Variants in SF3A1 observed in about 807,000 individuals in gnomAD.
The protein encoded by SF3A1 is SAP 114.
Under a neutral mutation model 89.9 loss-of-function variants are expected in SF3A1, and 13 were observed. The ratio of observed to expected loss-of-function variants is 0.14; its 90% CI spans 0.09 to 0.23. The LOEUF (loss-of-function observed/expected upper bound fraction) is 0.23, where lower values mean the gene tolerates loss of function less well. Ranked by LOEUF, SF3A1 falls within the 10% of genes least tolerant of loss-of-function variation. The pLI is 1.00. For missense variants in SF3A1, 604 were observed against 1,022.1 expected (o/e 0.59, Z 5.58); for synonymous variants, 405 against 374.4 (o/e 1.08, Z -0.94).
chr22:30,355,211 A>G (rs1016912587), intron 1 of SF3A1, among the ~76,000 whole-genome samples: 2 of 152,110 alleles, frequency 1.3e-5, no homozygotes, highest in Admixed American at 6.5e-5. Context: ...CAGTTTTGCT[A>G]TGTTGGCCAG....
rs752657820 is a variant in SF3A1, at chr22:30,338,795, T to G, written c.1737A>C (p.Pro579=). Residue 579 remains proline, a synonymous_variant, in exon 11 of 16, where the codon CCA becomes CCC. Coordinates refer to ENST00000215793, the MANE Select transcript of SF3A1 (RefSeq NM_005877.6). ...AGGGTAGATGCTGGCTTACTGTGGG[T>G]GGTCGGGGCACTGAAGTGATGGGTG... ...SAPPITSVPR[P]PTMPPPVRTT... is the part of the protein sequence containing the mutation. 1.2e-6 allele frequency: 2 copies of G among 1,613,970 alleles called. No individual in the cohort carries two copies. Among genetic ancestry groups the G allele is most frequent in the Admixed American group, 1.7e-5 (1 of 60,014 alleles).
At chr22:30,341,965 G>A (rs1443954993) in intron 6 of SF3A1, 80 bp from the exon 7 acceptor site, 1 of 1,398,350 alleles carries the variant, frequency 7.2e-7, no homozygotes, top group African/African-American at 1.4e-5. Context: ...CAAGGGCTGG[G>A]GCCATGTCTG....
In SF3A1 at chr22:30,348,699, G is replaced by A. The variant is rs187970708; in HGVS notation, c.186-2180C>T. On this transcript the variant is annotated intron_variant, in intron 2 of 15. Coordinates refer to ENST00000215793, the MANE Select transcript of SF3A1 (RefSeq NM_005877.6). ...AGTCTAACTGGAACCTCATGCTTTGGAAAAAAAATTCTCCCTACTCCTTAA... is the reference window on the plus strand; with the variant it reads ...AGTCTAACTGGAACCTCATGCTTTGAAAAAAAAATTCTCCCTACTCCTTAA... Among the ~76,000 whole-genome samples the A allele has an allele frequency of 5.6e-3, 853 of 151,852 alleles. 9 individuals carry two copies. Among genetic ancestry groups the A allele is most frequent in the Non-Finnish European group, 7.1e-3 (485 of 67,924 alleles).
At position 30,337,700 on chromosome 22, in the gene SF3A1, A is replaced by G. The variant is rs377269405; in HGVS notation, c.1941T>C (p.Ile647=). ...PIMAPRPPPM[I]VPTAFVPAPP... ...GCAAGAGATACTGACCTGTTGGCAC[A>G]ATCATGGGGGGTGGGCGGGGGGCCA... Residue 647 remains isoleucine (I), a synonymous_variant, in exon 12 of 16, where the codon ATT becomes ATC. Coordinates refer to ENST00000215793, the MANE Select transcript of SF3A1 (RefSeq NM_005877.6). 7.5e-5 allele frequency: 41 copies of G among 543,652 alleles called. No individual in the cohort carries two copies. In the East Asian group the frequency reaches 7.8e-4, roughly 10 times the overall value. The allele number at this position is 543,652 out of a possible 1,614,324, so 33.7% of individuals were successfully genotyped here.
chr22:30,340,545 T>C (rs545447782), intron 8 of SF3A1, 150 bp downstream of exon 8: 9 of 862,598 alleles, frequency 1.0e-5, no homozygotes, highest in Non-Finnish European at 1.7e-5. Flanking sequence ...TGGGCCCTGT[T>C]CCCACCATGA....
rs893718314 is a variant in SF3A1, at chr22:30,341,845, G to T, written c.918C>A (p.Ala306=). The T allele has an allele frequency of 6.2e-7, 1 of 1,613,724 alleles. No individual in the cohort carries two copies. Among genetic ancestry groups the T allele is most frequent in the Non-Finnish European group, 8.5e-7 (1 of 1,180,030 alleles). The change falls in exon 7 of 16, where the codon GCC becomes GCA. Residue 306 remains alanine (A), a synonymous_variant. Transcript: ENST00000215793. ...PPPTTPEELG[A]RILIQERYEK... ...CATAGCGCTCCTGAATGAGGATTCG[G>T]GCCCCCAGCTCCTCTGGCGTGGTGG...
At position 30,341,892 on chromosome 22, in the gene SF3A1, G is replaced by C. The variant is rs201667465; in HGVS notation, c.878-7C>G. 1.2e-6 allele frequency: 2 copies of C among 1,610,132 alleles called. No homozygotes were observed. The highest frequency in any genetic ancestry group is 2.7e-5 in the African/African-American group (2 of 74,882). ...GTGGGGGGAGGGAAGTTCCCTAGAG[G>C]GTGAGCCAGAGGCAAAGGTATTCCT... On this transcript the variant is annotated splice_polypyrimidine_tract_variant and splice_region_variant and intron_variant, in intron 6 of 15. Coordinates refer to ENST00000215793, the MANE Select transcript of SF3A1 (RefSeq NM_005877.6).
intron 2 of SF3A1, among the ~76,000 whole-genome samples, chr22:30,346,869 T>TA (rs368223452): frequency 2.1e-4 from 32 of 151,584 alleles, no homozygotes; most frequent in East Asian, 3.9e-4. Context: ...CTACTTCAAA[T>TA]AAAAAAAAAT....
chr22:30,344,508 G>A (rs573523224), intron 4 of SF3A1, among the ~76,000 whole-genome samples: 1 of 152,310 alleles, frequency 6.6e-6, no homozygotes, highest in Non-Finnish European at 1.5e-5. Flanking sequence ...ACCTTTCTGA[G>A]CCTGTTTCTG....
intron 11 of SF3A1, among the ~76,000 whole-genome samples, chr22:30,338,584 C>T (rs945922396): frequency 2.0e-5 from 3 of 152,142 alleles, no homozygotes; most frequent in Admixed American, 2.0e-4. Flanking sequence ...ATATTTGCCA[C>T]TTACCTCCCT....
intron 2 of SF3A1, 34 bp from the exon 3 acceptor site, chr22:30,346,553 A>G (rs1931427120): frequency 6.2e-7 from 1 of 1,607,576 alleles, no homozygotes; most frequent in African/African-American, 1.3e-5. Flanking sequence ...AATAAACACC[A>G]CTCCCTTGTG....
intron 1 of SF3A1, among the ~76,000 whole-genome samples, chr22:30,354,828 G>A (rs1441868748): frequency 2.6e-5 from 4 of 152,152 alleles, no homozygotes; most frequent in Admixed American, 6.5e-5. Flanking sequence ...GGAGGCTGAG[G>A]TAGGAAGATT....
At chr22:30,336,977 G>A in intron 13 of SF3A1, 49 bp downstream of exon 13, 1 of 1,609,168 alleles carries the variant, frequency 6.2e-7, no homozygotes, top group Non-Finnish European at 8.5e-7. Flanking sequence ...ACAGGGGCGG[G>A]ACTGAACCCT....
In SF3A1 at chr22:30,340,242, A is replaced by T; in HGVS notation, c.1329T>A (p.Asp443Glu). Residue 443 changes from aspartate (D) to glutamate (E), a missense_variant, in exon 9 of 16, where the codon GAT (aspartate) becomes GAA (glutamate). This residue lies in a region of SF3A1 where 146 missense variants were observed against 228.5 expected (regional missense o/e 0.64). Transcript: ENST00000215793. ...LLDPRWLEQR[D>E]RSIREKQSDD... ...CGCTCTGCTTCTCACGGATGGAGCG[A>T]TCCCGCTGCTCCAGCCAGCGAGGGT... 6.2e-7 allele frequency: 1 copy of T among 1,608,032 alleles called. No homozygotes were observed. The highest frequency in any genetic ancestry group is 8.5e-7 in the Non-Finnish European group (1 of 1,177,824).
intron 1 of SF3A1, among the ~76,000 whole-genome samples, chr22:30,353,956 G>A (rs1221640052): frequency 6.6e-6 from 1 of 152,188 alleles, no homozygotes; most frequent in African/African-American, 2.4e-5. Context: ...AATTTTTAAT[G>A]ATTGTTTGCT....
intron 11 of SF3A1, among the ~76,000 whole-genome samples, 167 bp downstream of exon 11, chr22:30,338,622 G>C (rs904468230): frequency 6.8e-6 from 1 of 147,756 alleles, no homozygotes; most frequent in Non-Finnish European, 1.5e-5. Context: ...TCCACAAACA[G>C]ATCAAGAGAG....
At chr22:30,355,948 T>C (rs1931806082) in intron 1 of SF3A1, among the ~76,000 whole-genome samples, 1 of 152,046 alleles carries the variant, frequency 6.6e-6, no homozygotes, top group Non-Finnish European at 1.5e-5. Flanking sequence ...TATTCCTTCT[T>C]CTAAAAGAAA....
intron 9 of SF3A1, 115 bp downstream of exon 9, chr22:30,340,081 T>C (rs1931200775): frequency 4.5e-6 from 4 of 895,130 alleles, no homozygotes; most frequent in East Asian, 6.1e-5. Flanking sequence ...TATCATAGAG[T>C]GCAACTCTCC....
chr22:30,345,237 G>C (rs1016203997), intron 3 of SF3A1, 47 bp from the exon 4 acceptor site: 4 of 1,572,224 alleles, frequency 2.5e-6, no homozygotes, highest in African/African-American at 1.4e-5. Context: ...GGGTGAACAG[G>C]CTCCAGGGGA....
Sources: allele counts gnomAD v4.1 joint callset (sites outside exome capture counted in the v4.1 genomes callset), GRCh38; gene constraint gnomAD v4.1.1; regional missense constraint gnomAD v4.1.1; transcripts MANE v1.5; gene names NCBI Gene and HGNC (gene_info 2026-07-23, HGNC 2026-07-21).